Variants in STAU2 observed in about 807,000 individuals in gnomAD.
STAU2 encodes staufen double-stranded RNA binding protein 2.
A neutral mutation model predicts 65.9 loss-of-function variants in STAU2; 20 were observed. The observed-to-expected ratio is 0.30, with a 90% CI of 0.21 to 0.44. The LOEUF (loss-of-function observed/expected upper bound fraction) is 0.44, where lower values mean the gene tolerates loss of function less well. Among genes scored for constraint, STAU2 ranks in the 20% least tolerant of loss-of-function variants. STAU2 has a pLI of 1.00. For synonymous variants in STAU2, 232 were observed against 233.9 expected (o/e 0.99, Z 0.07); for missense variants, 558 against 683.9 (o/e 0.82, Z 2.05).
At chr8:73,551,314 A>C (rs769202184) in intron 13 of STAU2, 2 of 987,334 alleles carry the variant, frequency 2.0e-6, no homozygotes, top group Non-Finnish European at 2.4e-6. Flanking sequence ...CATACACAAC[A>C]AGTTAAGTTA....
intron 12 of STAU2, among the ~76,000 whole-genome samples, chr8:73,565,260 C>T (rs1477509098): frequency 6.6e-6 from 1 of 151,930 alleles, no homozygotes; most frequent in Non-Finnish European, 1.5e-5. Context: ...AGAGTGTTCA[C>T]AAGATTTGCC....
intron 13 of STAU2, among the ~76,000 whole-genome samples, chr8:73,444,683 C>T (rs1818372001): frequency 6.6e-6 from 1 of 152,170 alleles, no homozygotes; most frequent in African/African-American, 2.4e-5. Flanking sequence ...GTATCTTTAA[C>T]ACTAACACTG....
At chr8:73,717,268 GAGC>G (rs1821314104) in intron 3 of STAU2, among the ~76,000 whole-genome samples, 2 of 152,016 alleles carry the variant, frequency 1.3e-5, no homozygotes, top group Non-Finnish European at 2.9e-5. Flanking sequence ...GTCTTTTAAA[GAGC>G]AGATTTTAAT....
intron 6 of STAU2, chr8:73,653,218 T>C (rs1436883024): frequency 6.6e-6 from 1 of 152,198 alleles, no homozygotes; most frequent in East Asian, 1.9e-4. Flanking sequence ...TTATCTGGTA[T>C]AAGGACAAAC....
chr8:73,667,710 CAA>C (rs1817340263), intron 6 of STAU2, among the ~76,000 whole-genome samples: 1 of 152,168 alleles, frequency 6.6e-6, no homozygotes, highest in South Asian at 2.1e-4. Context: ...TGTCTTTCCT[CAA>C]AGTCTCTACT....
chr8:73,602,464 T>A (rs921681638), intron 10 of STAU2, among the ~76,000 whole-genome samples: 1 of 152,172 alleles, frequency 6.6e-6, no homozygotes, highest in African/African-American at 2.4e-5. Flanking sequence ...ATCCTAACAC[T>A]TTGAGAGGCT....
chr8:73,552,777 T>C (rs549286163), intron 12 of STAU2, among the ~76,000 whole-genome samples: 2 of 152,184 alleles, frequency 1.3e-5, no homozygotes, highest in Admixed American at 1.3e-4. Context: ...TACAAACGCA[T>C]GTATTCAACA....
intron 13 of STAU2, among the ~76,000 whole-genome samples, chr8:73,545,206 T>C (rs1806818669): frequency 6.6e-6 from 1 of 152,230 alleles, no homozygotes; most frequent in African/African-American, 2.4e-5. Flanking sequence ...TTTCAAACTG[T>C]AAACCTAGTA....
At chr8:73,630,462 C>G (rs1814008344) in intron 6 of STAU2, among the ~76,000 whole-genome samples, 1 of 152,246 alleles carries the variant, frequency 6.6e-6, no homozygotes, top group East Asian at 1.9e-4. Context: ...GAAAGGCTAA[C>G]AGTTTTGGCC....
intron 13 of STAU2, among the ~76,000 whole-genome samples, chr8:73,477,064 A>G (rs1820359538): frequency 6.6e-6 from 1 of 152,222 alleles, no homozygotes; most frequent in African/African-American, 2.4e-5. Flanking sequence ...ACTTCCTGTG[A>G]CACTGAAGAA....
intron 6 of STAU2, among the ~76,000 whole-genome samples, chr8:73,628,803 T>C (rs1813878390): frequency 6.6e-6 from 1 of 152,236 alleles, no homozygotes; most frequent in Non-Finnish European, 1.5e-5. Flanking sequence ...AATAAAAGAT[T>C]CAAATGGATG....
intron 3 of STAU2, among the ~76,000 whole-genome samples, chr8:73,709,932 A>G (rs1372817148): frequency 6.6e-6 from 1 of 152,038 alleles, no homozygotes; most frequent in Non-Finnish European, 1.5e-5. Context: ...TTCACTCTTC[A>G]TTGTGTTCTC....
At chr8:73,571,274 T>C (rs982683579) in intron 12 of STAU2, among the ~76,000 whole-genome samples, 5 of 152,168 alleles carry the variant, frequency 3.3e-5, no homozygotes, top group Non-Finnish European at 7.3e-5. Context: ...CAAAGAGACT[T>C]AGACTCCCAC....
Position 73,463,201 on chromosome 8 carries a change from A to G in STAU2, c.1531-40499T>C, listed in dbSNP as rs1196431866. ...TTATCTGACTTTGTACCTTCAATGCAGTATGCTGGTCTTTAGGAATGAAAA... is the reference window on the plus strand; with the variant it reads ...TTATCTGACTTTGTACCTTCAATGCGGTATGCTGGTCTTTAGGAATGAAAA... On this transcript the variant is annotated intron_variant, in intron 13 of 14. Coordinates refer to ENST00000524300, the MANE Select transcript of STAU2 (RefSeq NM_001164380.2). Among the ~76,000 whole-genome samples the G allele has an allele frequency of 2.0e-5, 3 of 152,356 alleles. No individual in the cohort carries two copies. The East Asian group carries it at 5.8e-4, about 29-fold the overall frequency.
rs201846548 is a variant in STAU2 at position 73,422,783 on chromosome 8, A to AAGAC, written c.1531-85_1531-82dup. On this transcript the variant is annotated intron_variant, in intron 13 of 14. Transcript: ENST00000524300. Reference sequence around the variant, plus strand: ...GTAACTGAAAGAAAGCTGAGATAGAAAGACTCATTTTCATTAGTCTACATA... The same window carrying AAGAC: ...GTAACTGAAAGAAAGCTGAGATAGAAAGACAGACTCATTTTCATTAGTCTACATA... 9.6e-4 allele frequency: 991 copies of AAGAC among 1,032,520 alleles called. 11 individuals are homozygous for AAGAC. In the African/African-American group the frequency reaches 0.015, roughly 16 times the overall value. 64.0% of individuals were successfully genotyped at this position (1,032,520 alleles called of 1,614,324 possible). A position where few individuals can be genotyped will look rare whatever the true frequency, so the allele number is the denominator to read the frequency against.
chr8:73,744,030 A>G (rs1050830618), intron 1 of STAU2, among the ~76,000 whole-genome samples: 1 of 152,098 alleles, frequency 6.6e-6, no homozygotes, highest in Non-Finnish European at 1.5e-5. Context: ...TCGGCCTCCC[A>G]AAGTGCTGGG....
intron 3 of STAU2, among the ~76,000 whole-genome samples, chr8:73,736,171 A>G (rs964411267): frequency 4.6e-5 from 7 of 152,230 alleles, no homozygotes; most frequent in African/African-American, 1.2e-4. Flanking sequence ...ATAACTTTAC[A>G]TGAGGGAGAG....
chr8:73,451,553 A>G (rs1262958703), intron 13 of STAU2, among the ~76,000 whole-genome samples: 2 of 151,796 alleles, frequency 1.3e-5, no homozygotes, highest in Non-Finnish European at 2.9e-5. Flanking sequence ...GGCATGAAGC[A>G]GGCTGGGCTA....
At chr8:73,614,544 G>T (rs1812694648) in intron 8 of STAU2, among the ~76,000 whole-genome samples, 1 of 152,028 alleles carries the variant, frequency 6.6e-6, no homozygotes. Flanking sequence ...AAAATTCCTA[G>T]CTTTCTAGAG....
Sources: gnomAD v4.1 joint callset for allele counts (sites outside exome capture counted in the v4.1 genomes callset) on GRCh38, gnomAD v4.1.1 for gene constraint, MANE v1.5 for transcripts, NCBI Gene and HGNC (gene_info 2026-07-23, HGNC 2026-07-21) for gene names.